The following TENM3 variants were observed in gnomAD, a reference collection of about 807,000 sequenced individuals.
TENM3 encodes the protein teneurin transmembrane protein 3.
In TENM3, 63 loss-of-function variants were observed where a neutral mutation model predicts 255.1. The observed-to-expected ratio is 0.25, with a 90% CI of 0.20 to 0.30. TENM3 has a LOEUF of 0.30. Among genes scored for constraint, TENM3 ranks in the 10% least tolerant of loss-of-function variants. The pLI is 1.00. For synonymous variants in TENM3, 1,306 were observed against 1,322.3 expected, an observed-to-expected ratio of 0.99 and a Z score of 0.27; for missense variants, 2,929 against 3,461.1, an observed-to-expected ratio of 0.85 and a Z score of 3.86.
chr4:181,830,117 G>A, the TENM3 span: 3 of 152,224 alleles, frequency 2.0e-5, no homozygotes, highest in Non-Finnish European at 4.4e-5. Flanking sequence ...GGATGTGATG[G>A]AAAAATGTGG....
intron 3 of TENM3, among the ~76,000 whole-genome samples, chr4:182,456,633 C>G (rs912253361): frequency 1.3e-5 from 2 of 152,096 alleles, no homozygotes; most frequent in Non-Finnish European, 2.9e-5. Context: ...TTTTTAAAAA[C>G]TGGTAAACAT....
chr4:182,495,432 C>G (rs897080217), intron 3 of TENM3, among the ~76,000 whole-genome samples: 2 of 151,842 alleles, frequency 1.3e-5, no homozygotes, highest in African/African-American at 4.8e-5. Flanking sequence ...TTCAAATAAA[C>G]ACAAAACTGA....
chr4:181,851,386 A>C, the TENM3 span, among the ~76,000 whole-genome samples: 1 of 152,232 alleles, frequency 6.6e-6, no homozygotes, highest in South Asian at 2.1e-4. Flanking sequence ...CACAACCCTC[A>C]TGGGATAGAT....
At chr4:181,647,915 C>T in the TENM3 span, among the ~76,000 whole-genome samples, 1 of 152,018 alleles carries the variant, frequency 6.6e-6, no homozygotes. Context: ...TGAGTCAAAC[C>T]TTTGGGGGAG....
At chr4:181,457,653 G>A in the TENM3 span, among the ~76,000 whole-genome samples, 1 of 151,562 alleles carries the variant, frequency 6.6e-6, no homozygotes, top group Non-Finnish European at 1.5e-5. Context: ...AGGAAGACAT[G>A]GTAGATAGTC....
chr4:182,205,863 A>T (rs928772232), intron 1 of TENM3, among the ~76,000 whole-genome samples: 5 of 152,170 alleles, frequency 3.3e-5, no homozygotes, highest in Admixed American at 2.0e-4. Context: ...ACGCAGGCAA[A>T]GTGCATTCGA....
chr4:182,066,724 CACCA>C, the TENM3 span, among the ~76,000 whole-genome samples: 1 of 151,820 alleles, frequency 6.6e-6, no homozygotes, highest in African/African-American at 2.4e-5. Context: ...TCCTGGCTAA[CACCA>C]TGAAACCCCG....
At chr4:181,497,994 A>G in the TENM3 span, among the ~76,000 whole-genome samples, 1 of 152,210 alleles carries the variant, frequency 6.6e-6, no homozygotes, top group African/African-American at 2.4e-5. Context: ...ATTCAAAAAC[A>G]GGTACTCTCT....
the TENM3 span, among the ~76,000 whole-genome samples, chr4:182,051,577 C>A: frequency 1.3e-5 from 2 of 151,906 alleles, no homozygotes; most frequent in Non-Finnish European, 2.9e-5. Flanking sequence ...TGGGGTTTCA[C>A]CATGTTGGTC....
chr4:181,647,947 C>T, the TENM3 span, among the ~76,000 whole-genome samples: 48,709 of 151,784 alleles, frequency 0.32, 8,355 homozygotes, highest in Non-Finnish European at 0.38. Context: ...GGATTCCACA[C>T]TGCTGTGAGT....
chr4:181,657,321 A>C, the TENM3 span, among the ~76,000 whole-genome samples: 2 of 152,234 alleles, frequency 1.3e-5, no homozygotes, highest in African/African-American at 2.4e-5. Context: ...AAACAATTCA[A>C]CAAGCATAAA....
intron 3 of TENM3, among the ~76,000 whole-genome samples, chr4:182,436,632 G>A (rs1422018087): frequency 6.6e-6 from 1 of 152,192 alleles, no homozygotes; most frequent in African/African-American, 2.4e-5. Context: ...ATATGGCTGT[G>A]GTTAGATCCT....
chr4:182,237,671 C>T (rs180867679), intron 1 of TENM3, among the ~76,000 whole-genome samples: 227 of 152,246 alleles, frequency 1.5e-3, no homozygotes, highest in Non-Finnish European at 2.3e-3. Context: ...AAAGTAATGT[C>T]GTGGCCGTAT....
chr4:182,406,280 G>A (rs186355721), intron 3 of TENM3, among the ~76,000 whole-genome samples: 1 of 151,996 alleles, frequency 6.6e-6, no homozygotes, highest in Admixed American at 6.6e-5. Context: ...ACTCCAGCCT[G>A]GGCCACAGAG....
At chr4:182,692,710 A>G (rs551087396) in intron 12 of TENM3, among the ~76,000 whole-genome samples, 20 of 152,342 alleles carry the variant, frequency 1.3e-4, no homozygotes, top group African/African-American at 4.8e-4. Flanking sequence ...TAAATCCTGG[A>G]ACAAGCTACT....
At chr4:181,543,302 C>G in the TENM3 span, among the ~76,000 whole-genome samples, 10 of 151,828 alleles carry the variant, frequency 6.6e-5, no homozygotes, top group African/African-American at 2.4e-4. Context: ...AGGACTGGAG[C>G]TCTTAGAATA....
At chr4:181,871,471 G>T in the TENM3 span, among the ~76,000 whole-genome samples, 3 of 151,742 alleles carry the variant, frequency 2.0e-5, no homozygotes, top group African/African-American at 7.3e-5. Flanking sequence ...AGATTCCTTT[G>T]AATATTTATG....
chr4:182,751,962 C>T lies in TENM3; in HGVS notation c.3792C>T (p.Cys1264=). Residue 1264 remains cysteine, a synonymous_variant, in exon 20 of 28, where the codon TGC becomes TGT. Coordinates refer to ENST00000511685, the MANE Select transcript of TENM3 (RefSeq NM_001080477.4). ...AEVVAGTGEQ[C]LPFDEARCGD... ...TCGTCGCAGGGACAGGGGAGCAATG[C>T]CTTCCGTTTGACGAGGCGAGATGTG... The T allele has an allele frequency of 6.2e-7, 1 of 1,613,696 alleles. No homozygotes were observed. Among genetic ancestry groups the T allele is most frequent in the South Asian group, 1.1e-5 (1 of 91,074 alleles).
the TENM3 span, among the ~76,000 whole-genome samples, chr4:181,659,093 C>T: frequency 6.6e-6 from 1 of 152,174 alleles, no homozygotes; most frequent in African/African-American, 2.4e-5. Context: ...CAGGAATGTC[C>T]TGATATCCCA....
Sources: gnomAD v4.1 joint callset for allele counts (sites outside exome capture counted in the v4.1 genomes callset) on GRCh38, gnomAD v4.1.1 for gene constraint, MANE v1.5 for transcripts, NCBI Gene and HGNC (gene_info 2026-07-23, HGNC 2026-07-21) for gene names.